Variants in PTPRG observed in about 807,000 individuals in gnomAD.
The protein encoded by PTPRG is receptor-type tyrosine-protein phosphatase gamma.
A neutral mutation model predicts 165.3 loss-of-function variants in PTPRG; 102 were observed. That is an observed-to-expected ratio of 0.62 (90% CI 0.53 to 0.73). PTPRG has a LOEUF of 0.73. Ranked by LOEUF, PTPRG falls within the 30% of genes least tolerant of loss-of-function variation. The pLI, the probability that PTPRG is intolerant of heterozygous loss-of-function variation, is 0.00. For synonymous variants in PTPRG, 675 were observed against 669.5 expected (o/e 1.01, Z -0.13); for missense variants, 1,866 against 1,861.4 (o/e 1.00, Z -0.05).
intron 4 of PTPRG, among the ~76,000 whole-genome samples, chr3:62,033,659 C>G (rs1020515287): frequency 6.6e-6 from 1 of 152,096 alleles, no homozygotes; most frequent in African/African-American, 2.4e-5. Flanking sequence ...GCCACCACGC[C>G]TGGCTTCCCT....
At chr3:61,660,674 T>C (rs1399739147) in intron 1 of PTPRG, among the ~76,000 whole-genome samples, 2 of 152,150 alleles carry the variant, frequency 1.3e-5, no homozygotes, top group African/African-American at 4.8e-5. Context: ...TAACACGGCG[T>C]CTACGGGTTG....
At chr3:61,732,373 T>G (rs929380907) in intron 1 of PTPRG, among the ~76,000 whole-genome samples, 5 of 151,976 alleles carry the variant, frequency 3.3e-5, no homozygotes, top group Non-Finnish European at 5.9e-5. Context: ...GTCAGGAGAT[T>G]GAGACCATCC....
At chr3:61,888,636 A>G (rs1000647952) in intron 2 of PTPRG, among the ~76,000 whole-genome samples, 3 of 152,208 alleles carry the variant, frequency 2.0e-5, no homozygotes, top group African/African-American at 7.2e-5. Flanking sequence ...CAGCCAAAAA[A>G]AGGTATTTTC....
chr3:61,790,730 T>A (rs2034845304), intron 2 of PTPRG, among the ~76,000 whole-genome samples: 2 of 151,648 alleles, frequency 1.3e-5, no homozygotes, highest in Non-Finnish European at 2.9e-5. Flanking sequence ...TTTCAGAAAT[T>A]CTTTGACTTC....
intron 15 of PTPRG, among the ~76,000 whole-genome samples, chr3:62,246,309 T>A (rs1194964751): frequency 6.6e-6 from 1 of 152,206 alleles, no homozygotes; most frequent in Non-Finnish European, 1.5e-5. Flanking sequence ...ATCTGTTCTC[T>A]CAGGTCTTCA....
intron 3 of PTPRG, among the ~76,000 whole-genome samples, chr3:61,992,732 G>C (rs1265076112): frequency 6.6e-6 from 1 of 152,140 alleles, no homozygotes; most frequent in Non-Finnish European, 1.5e-5. Flanking sequence ...ATGCTGGCCA[G>C]ACTGCTCTGG....
In PTPRG at chr3:62,162,180, G is replaced by A. The variant is rs556005709; in HGVS notation, c.840+4956G>A. 2.3e-4 allele frequency among the ~76,000 whole-genome samples: 34 copies of A among 150,730 alleles called. No homozygotes were observed. The East Asian group carries it at 5.3e-3, about 23-fold the overall frequency. ...ATAGATTTCAGCTTGCCTTTGATTC[G>A]AACCGACAGATTAAAAACTAATTAT... On this transcript the variant is annotated intron_variant, in intron 7 of 29. Coordinates refer to ENST00000474889, the MANE Select transcript of PTPRG (RefSeq NM_002841.4).
intron 13 of PTPRG, 110 bp from the exon 14 acceptor site, chr3:62,231,114 CG>C: frequency 2.8e-6 from 2 of 724,374 alleles, no homozygotes; most frequent in South Asian, 1.1e-4. Context: ...GGCCTGATGA[CG>C]GGGTCTGTCT....
intron 6 of PTPRG, among the ~76,000 whole-genome samples, chr3:62,133,359 T>A (rs908480929): frequency 6.6e-6 from 1 of 152,242 alleles, no homozygotes; most frequent in Admixed American, 6.5e-5. Flanking sequence ...GTTTTAATAA[T>A]CTAATTAGAA....
chr3:62,173,532 T>TTGTAAGATACATATTTTC (rs2106751710), intron 8 of PTPRG, among the ~76,000 whole-genome samples: 2 of 152,342 alleles, frequency 1.3e-5, no homozygotes, highest in African/African-American at 4.8e-5. Context: ...CATAGGCTTG[T>TTGTAAGATACATATTTTC]TGTAAGATAC....
chr3:62,133,400 T>C (rs1703589082), intron 6 of PTPRG, among the ~76,000 whole-genome samples: 4 of 152,226 alleles, frequency 2.6e-5, no homozygotes, highest in Admixed American at 2.6e-4. Context: ...ATAGCATTAG[T>C]AACCATAATA....
intron 2 of PTPRG, among the ~76,000 whole-genome samples, chr3:61,860,107 G>A (rs897552076): frequency 2.0e-5 from 3 of 152,120 alleles, no homozygotes; most frequent in African/African-American, 7.2e-5. Context: ...GCTTAGTCCT[G>A]TTACTAAAGA....
At chr3:61,798,169 C>T (rs118183057) in intron 2 of PTPRG, among the ~76,000 whole-genome samples, 2 of 152,108 alleles carry the variant, frequency 1.3e-5, no homozygotes, top group South Asian at 4.1e-4. Context: ...TTAACCCTGC[C>T]CAGTATCATG....
At chr3:61,855,491 T>G (rs1303053767) in intron 2 of PTPRG, among the ~76,000 whole-genome samples, 2 of 151,502 alleles carry the variant, frequency 1.3e-5, no homozygotes, top group Non-Finnish European at 2.9e-5. Flanking sequence ...CTTGGAGTCT[T>G]CTAAAATTTT....
At chr3:61,839,808 C>T (rs1471160274) in intron 2 of PTPRG, among the ~76,000 whole-genome samples, 2 of 152,226 alleles carry the variant, frequency 1.3e-5, no homozygotes, top group Non-Finnish European at 2.9e-5. Flanking sequence ...ACCTGCTTCC[C>T]TCACCTCTCA....
intron 25 of PTPRG, among the ~76,000 whole-genome samples, chr3:62,277,278 A>C (rs1339136699): frequency 1.3e-5 from 2 of 152,156 alleles, no homozygotes; most frequent in Non-Finnish European, 2.9e-5. Context: ...TTTTATTGTT[A>C]ATTTCACACA....
chr3:61,666,473 A>T (rs1396322879), intron 1 of PTPRG, among the ~76,000 whole-genome samples: 1 of 152,140 alleles, frequency 6.6e-6, no homozygotes, highest in Non-Finnish European at 1.5e-5. Context: ...AGGCTAGGGG[A>T]CTTGGAGCAG....
intron 4 of PTPRG, among the ~76,000 whole-genome samples, chr3:62,036,391 G>A (rs960810486): frequency 6.6e-6 from 1 of 152,178 alleles, no homozygotes; most frequent in African/African-American, 2.4e-5. Context: ...CCCAGCTTCT[G>A]AATCCTCTTT....
chr3:62,208,226 C>T (rs569202752), intron 12 of PTPRG, among the ~76,000 whole-genome samples: 1 of 152,038 alleles, frequency 6.6e-6, no homozygotes. Context: ...GTGCAAAGCC[C>T]TCAGCTGGAT....
Sources: gnomAD v4.1 joint callset for allele counts (sites outside exome capture counted in the v4.1 genomes callset) on GRCh38, gnomAD v4.1.1 for gene constraint, MANE v1.5 for transcripts, NCBI Gene and HGNC (gene_info 2026-07-23, HGNC 2026-07-21) for gene names.